The following PTBP2 variants were observed in gnomAD, a reference collection of about 807,000 sequenced individuals.
PTBP2 encodes the protein polypyrimidine tract binding protein 2, also known as polypyrimidine tract-binding protein 2.
Under a neutral mutation model 61.4 loss-of-function variants are expected in PTBP2, and 13 were observed. The observed-to-expected ratio is 0.21, with a 90% confidence interval of 0.14 to 0.34. PTBP2 has a LOEUF of 0.34. Among genes scored for constraint, PTBP2 ranks in the 10% least tolerant of loss-of-function variants. The probability of loss-of-function intolerance (pLI) is 1.00; values close to 1 mark genes in which losing one functional copy is unlikely to be tolerated. For synonymous variants in PTBP2, 215 were observed against 218.5 expected, an observed-to-expected ratio of 0.98 and a Z score of 0.14; for missense variants, 405 against 642.6, an observed-to-expected ratio of 0.63 and a Z score of 4.00.
At chr1:96,729,173 C>T (rs1478181880) in intron 2 of PTBP2, among the ~76,000 whole-genome samples, 1 of 152,090 alleles carries the variant, frequency 6.6e-6, no homozygotes, top group Non-Finnish European at 1.5e-5. Context: ...AGGTGCACAC[C>T]ACCACGCCCA....
intron 2 of PTBP2, among the ~76,000 whole-genome samples, chr1:96,726,074 CAAAAAAAAAAAAAAAAAAAAAAA>C (rs762152365): frequency 7.4e-5 from 4 of 54,216 alleles, no homozygotes; most frequent in Admixed American, 2.8e-4. Context: ...GACTCTATCT[CAAAAAAAAAAAAAAAAAAAAAAA>C]AAAAAAAAAA....
At chr1:96,776,505 A>C (rs143621493) in intron 5 of PTBP2, among the ~76,000 whole-genome samples, 1 of 151,974 alleles carries the variant, frequency 6.6e-6, no homozygotes, top group Admixed American at 6.6e-5. Context: ...GTGGTTATAT[A>C]ATATTTTAGT....
intron 7 of PTBP2, among the ~76,000 whole-genome samples, chr1:96,781,935 C>T (rs1015407129): frequency 4.0e-5 from 6 of 151,878 alleles, no homozygotes; most frequent in African/African-American, 9.7e-5. Context: ...GGCAAAGATG[C>T]GTCTTCTCTT....
intron 2 of PTBP2, among the ~76,000 whole-genome samples, chr1:96,739,787 GTA>G (rs1187176395): frequency 4.0e-5 from 6 of 150,094 alleles, no homozygotes; most frequent in Non-Finnish European, 3.0e-5. Flanking sequence ...CTAATTTTTT[GTA>G]TATATATATA....
chr1:96,751,448 A>G lies in PTBP2; in HGVS notation c.63A>G (p.Ser21=). 3 of 1,612,944 alleles carry G rather than the reference A, an allele frequency of 1.9e-6. No individual in the cohort carries two copies. Among genetic ancestry groups the G allele is most frequent in the Non-Finnish European group, 2.5e-6 (3 of 1,179,144 alleles). ...GVKRGSDELL[S]GSVLSSPNSN... ...AGAGAGGATCTGACGAACTACTCTCAGGCAGTGTTCTCAGTAGTCCGAACT... is the reference window on the plus strand; with the variant it reads ...AGAGAGGATCTGACGAACTACTCTCGGGCAGTGTTCTCAGTAGTCCGAACT... The change falls in exon 3 of 14, where the codon TCA becomes TCG. Residue 21 remains serine (S), a synonymous_variant. Coordinates refer to ENST00000674951, the MANE Select transcript of PTBP2 (RefSeq NM_021190.4).
At chr1:96,737,682 G>A (rs1386815545) in intron 2 of PTBP2, among the ~76,000 whole-genome samples, 1 of 152,170 alleles carries the variant, frequency 6.6e-6, no homozygotes, top group African/African-American at 2.4e-5. Context: ...TTTTTGGAAT[G>A]TAGGTTGAGT....
chr1:96,737,072 T>C (rs1035913070), intron 2 of PTBP2, among the ~76,000 whole-genome samples: 4 of 151,854 alleles, frequency 2.6e-5, no homozygotes, highest in East Asian at 1.9e-4. Flanking sequence ...CTCTGCCTCC[T>C]GGGTTCACGC....
downstream of PTBP2, chr1:96,816,065 C>G (rs1372583698): frequency 2.0e-5 from 3 of 152,104 alleles, no homozygotes; most frequent in Non-Finnish European, 4.4e-5. Flanking sequence ...AAGTCCTGAG[C>G]TGTGTGTGTG....
At chr1:96,794,881 A>G (rs913673008) in intron 8 of PTBP2, among the ~76,000 whole-genome samples, 2 of 152,212 alleles carry the variant, frequency 1.3e-5, no homozygotes, top group African/African-American at 4.8e-5. Flanking sequence ...TGTGTGACGA[A>G]TAGGATAATT....
intron 8 of PTBP2, among the ~76,000 whole-genome samples, chr1:96,792,258 A>G (rs1281041110): frequency 6.6e-6 from 1 of 152,172 alleles, no homozygotes; most frequent in East Asian, 1.9e-4. Context: ...AATATTAACC[A>G]TTTTTGTGTT....
chr1:96,792,462 C>G (rs1304419593), intron 8 of PTBP2, among the ~76,000 whole-genome samples: 1 of 152,156 alleles, frequency 6.6e-6, no homozygotes, highest in Non-Finnish European at 1.5e-5. Context: ...AGTCCGTACT[C>G]CTGACTAATA....
At chr1:96,778,204 GTAC>G (rs1378546152) in intron 7 of PTBP2, among the ~76,000 whole-genome samples, 1 of 125,808 alleles carries the variant, frequency 7.9e-6, no homozygotes, top group African/African-American at 3.0e-5. Context: ...ACAAAAGTTT[GTAC>G]TCTTAAGAAA....
intron 2 of PTBP2, among the ~76,000 whole-genome samples, chr1:96,749,402 GAGTTAA>G (rs1654254442): frequency 6.6e-6 from 1 of 152,158 alleles, no homozygotes; most frequent in Admixed American, 6.5e-5. Context: ...AAAACTAGGA[GAGTTAA>G]AGTGTTTTTG....
At chr1:96,823,669 A>T (rs1446467198) in exon 14 of PTBP2, 1 of 152,104 alleles carries the variant, frequency 6.6e-6, no homozygotes, top group Non-Finnish European at 1.5e-5. Flanking sequence ...ATTACTACCT[A>T]TGTCTCTCCA....
intron 1 of PTBP2, among the ~76,000 whole-genome samples, chr1:96,722,225 T>C (rs1649684313): frequency 1.3e-5 from 2 of 152,044 alleles, no homozygotes; most frequent in Admixed American, 6.5e-5. Context: ...ATCCGTACCT[T>C]GGGACCCGAC....
chr1:96,732,558 C>G (rs1454774324), intron 2 of PTBP2, among the ~76,000 whole-genome samples: 1 of 152,106 alleles, frequency 6.6e-6, no homozygotes, highest in African/African-American at 2.4e-5. Context: ...TTAATATGCT[C>G]ATACTCTAAT....
intron 2 of PTBP2, among the ~76,000 whole-genome samples, chr1:96,735,668 CTTTA>C: frequency 6.6e-6 from 1 of 152,122 alleles, no homozygotes; most frequent in South Asian, 2.1e-4. Flanking sequence ...CACTAAATAT[CTTTA>C]TTAGTGAACA....
At chr1:96,724,288 G>A (rs184290103) in intron 2 of PTBP2, among the ~76,000 whole-genome samples, 1 of 151,996 alleles carries the variant, frequency 6.6e-6, no homozygotes, top group African/African-American at 2.4e-5. Context: ...GCCTCACTCT[G>A]TTGCCCAGGC....
At chr1:96,817,227 GC>G (rs1662521257), downstream of PTBP2, 1 of 152,114 alleles carries the variant, frequency 6.6e-6, no homozygotes, top group African/African-American at 2.4e-5. Context: ...ACTCTCATGA[GC>G]AGCTCTGAAC....
Sources: allele counts gnomAD v4.1 joint callset (sites outside exome capture counted in the v4.1 genomes callset), GRCh38; gene constraint gnomAD v4.1.1; transcripts MANE v1.5; gene names NCBI Gene and HGNC (gene_info 2026-07-23, HGNC 2026-07-21).